Variants in DAGLA observed in about 807,000 individuals in gnomAD.
The protein encoded by DAGLA is diacylglycerol lipase alpha, also known as diacylglycerol lipase-alpha.
In DAGLA, 22 loss-of-function variants were observed where a neutral mutation model predicts 102.6. The ratio of observed to expected loss-of-function variants is 0.21; its 90% CI spans 0.15 to 0.31. The LOEUF is 0.31. Ranked by LOEUF, DAGLA falls within the 10% of genes least tolerant of loss-of-function variation. DAGLA has a pLI of 1.00. For missense variants in DAGLA, 927 were observed against 1,446.6 expected, an observed-to-expected ratio of 0.64 and a Z score of 5.83; for synonymous variants, 578 against 628.9, an observed-to-expected ratio of 0.92 and a Z score of 1.21.
At chr11:61,741,489 C>A in intron 19 of DAGLA, 140 bp downstream of exon 19, 1 of 918,972 alleles carries the variant, frequency 1.1e-6, no homozygotes, top group Non-Finnish European at 1.6e-6. Flanking sequence ...ACCCTCTGTG[C>A]TCTAGGGCTC....
chr11:61,711,715 G>A (rs1484855057), intron 1 of DAGLA, among the ~76,000 whole-genome samples: 3 of 152,244 alleles, frequency 2.0e-5, no homozygotes, highest in Non-Finnish European at 4.4e-5. Flanking sequence ...CATTGTGGAT[G>A]AGTAGAAAAT....
chr11:61,729,736 G>A (rs2065358973), intron 8 of DAGLA, among the ~76,000 whole-genome samples: 1 of 152,194 alleles, frequency 6.6e-6, no homozygotes, highest in African/African-American at 2.4e-5. Flanking sequence ...AAGCCTCGGT[G>A]CCAGCCAGGA....
At chr11:61,709,820 G>A (rs1189303068) in intron 1 of DAGLA, among the ~76,000 whole-genome samples, 2 of 152,086 alleles carry the variant, frequency 1.3e-5, no homozygotes, top group Admixed American at 6.5e-5. Context: ...GCTTGCTTCC[G>A]AGATGCCCGG....
intron 1 of DAGLA, among the ~76,000 whole-genome samples, chr11:61,708,154 C>T (rs984289433): frequency 3.9e-5 from 6 of 152,064 alleles, no homozygotes; most frequent in African/African-American, 1.4e-4. Flanking sequence ...ACTACAGGTG[C>T]CCCCCACCAT....
chr11:61,712,350 G>A (rs1039783594), intron 1 of DAGLA, among the ~76,000 whole-genome samples: 15 of 152,206 alleles, frequency 9.9e-5, no homozygotes, highest in African/African-American at 3.6e-4. Context: ...GGCACATGGT[G>A]AGGGGTGGAG....
intron 1 of DAGLA, among the ~76,000 whole-genome samples, chr11:61,702,474 T>C (rs1441612537): frequency 6.6e-6 from 1 of 152,200 alleles, no homozygotes; most frequent in Non-Finnish European, 1.5e-5. Context: ...CCTTATAAAC[T>C]GAGCATTGGG....
intron 1 of DAGLA, among the ~76,000 whole-genome samples, chr11:61,716,200 G>A (rs769917406): frequency 2.4e-4 from 37 of 152,226 alleles, no homozygotes; most frequent in African/African-American, 8.4e-4. Flanking sequence ...CCCTGGCCCC[G>A]GGGACTGTTG....
At chr11:61,743,362 CA>C (rs374336921) in intron 19 of DAGLA, among the ~76,000 whole-genome samples, 169 bp from the exon 20 acceptor site, 3,442 of 51,924 alleles carry the variant, frequency 0.066, 56 homozygotes, top group Middle Eastern at 0.11. Context: ...GACTCTGTCT[CA>C]AAAAAAAAAA....
At position 61,744,659 on chromosome 11, in the gene DAGLA, A is replaced by C. The variant is rs1229686892; in HGVS notation, c.*170A>C. ...GTCCGCATCCCTACCTCAGCTTAGG[A>C]CCCCCAGAGCCAAGGTGGCTGGGAT... is the stretch of plus-strand genomic sequence containing the variant. On this transcript the variant is annotated 3_prime_UTR_variant, in exon 20 of 20. Transcript: ENST00000257215. 5.1e-6 allele frequency: 3 copies of C among 585,512 alleles called. No individual in the cohort carries two copies. The Admixed American group carries it at 1.0e-4, about 20-fold the overall frequency. 36.3% of individuals were successfully genotyped at this position (585,512 alleles called of 1,614,324 possible).
rs544426097 is a variant in DAGLA at position 61,695,529 on chromosome 11, C to T, written c.-45+15025C>T. Among the ~76,000 whole-genome samples the T allele has an allele frequency of 2.1e-3, 313 of 152,302 alleles. 6 individuals are homozygous for T. The South Asian group carries it at 0.03, about 15-fold the overall frequency. On this transcript the variant is annotated intron_variant, in intron 1 of 19. Transcript: ENST00000257215. ...GTCTGGGAGCTTTCAGGTCCTAGGT[C>T]CACTCTCTGGCCCTGGTCTGAGCCT...
intron 1 of DAGLA, among the ~76,000 whole-genome samples, chr11:61,685,093 TC>T (rs919906052): frequency 2.0e-5 from 3 of 151,786 alleles, no homozygotes; most frequent in Middle Eastern, 3.4e-3. Flanking sequence ...GACAGTCCCC[TC>T]CCCCCCATGA....
intron 1 of DAGLA, among the ~76,000 whole-genome samples, chr11:61,682,523 C>G (rs2064951030): frequency 6.6e-6 from 1 of 152,170 alleles, no homozygotes; most frequent in African/African-American, 2.4e-5. Flanking sequence ...ATGGCCCCGG[C>G]AGCTGTGAAG....
chr11:61,723,685 G>T (rs1052066130), intron 5 of DAGLA, 113 bp downstream of exon 5: 113 of 1,369,924 alleles, frequency 8.2e-5, no homozygotes, highest in Non-Finnish European at 1.1e-4. Flanking sequence ...TGCCAACCTC[G>T]TGTGAGCCGT....
In DAGLA at chr11:61,729,017, G is replaced by A. The variant is rs753337479; in HGVS notation, c.849+9G>A. ...TCGACCTCAAGAATTCAGTGAGTCA[G>A]ACATCAACTCTCACCCCACCCCGTC... On this transcript the variant is annotated intron_variant, in intron 8 of 19. Transcript: ENST00000257215. 1.9e-6 allele frequency: 3 copies of A among 1,612,550 alleles called. No homozygotes were observed. The highest frequency in any genetic ancestry group is 2.2e-5 in the South Asian group (2 of 91,046).
intron 1 of DAGLA, among the ~76,000 whole-genome samples, chr11:61,718,506 A>C (rs1402491517): frequency 6.6e-6 from 1 of 151,314 alleles, no homozygotes; most frequent in African/African-American, 2.4e-5. Flanking sequence ...CTCCTGTCCT[A>C]TCGTGTCCAA....
At chr11:61,720,971 G>A in intron 3 of DAGLA, 81 bp downstream of exon 3, 1 of 1,367,778 alleles carries the variant, frequency 7.3e-7, no homozygotes, top group Non-Finnish European at 1.0e-6. Flanking sequence ...CTGCGCACAT[G>A]TTGCGAGCCA....
intron 8 of DAGLA, among the ~76,000 whole-genome samples, chr11:61,730,330 T>C (rs2065362892): frequency 6.6e-6 from 1 of 151,872 alleles, no homozygotes; most frequent in Non-Finnish European, 1.5e-5. Flanking sequence ...GGGTCACACC[T>C]GCCACCTGGC....
At chr11:61,732,009 C>T (rs1161526247) in intron 9 of DAGLA, among the ~76,000 whole-genome samples, 3 of 152,234 alleles carry the variant, frequency 2.0e-5, no homozygotes, top group Non-Finnish European at 2.9e-5. Context: ...AAGGCCTTAG[C>T]CCCAGACCTG....
intron 3 of DAGLA, among the ~76,000 whole-genome samples, chr11:61,722,240 C>T (rs1022813361): frequency 2.6e-5 from 4 of 152,210 alleles, no homozygotes; most frequent in African/African-American, 9.7e-5. Flanking sequence ...AGGAAACTTG[C>T]CTAAGATGTG....
Sources: allele counts gnomAD v4.1 joint callset (sites outside exome capture counted in the v4.1 genomes callset), GRCh38; gene constraint gnomAD v4.1.1; transcripts MANE v1.5; gene names NCBI Gene and HGNC (gene_info 2026-07-23, HGNC 2026-07-21).